Variants in IL12RB1 observed in about 807,000 individuals in gnomAD.
IL12RB1 encodes interleukin-12 receptor subunit beta-1.
In IL12RB1, 64 loss-of-function variants were observed where a neutral mutation model predicts 94.4. That is an observed-to-expected ratio of 0.68 (90% CI 0.55 to 0.83). IL12RB1 has a LOEUF of 0.83. Ranked by LOEUF, IL12RB1 falls within the 40% of genes least tolerant of loss-of-function variation. The probability of loss-of-function intolerance (pLI) is 0.00; values close to 1 mark genes in which losing one functional copy is unlikely to be tolerated. For synonymous variants in IL12RB1, 362 were observed against 355.5 expected, an observed-to-expected ratio of 1.02 and a Z score of -0.21; for missense variants, 814 against 855.6, an observed-to-expected ratio of 0.95 and a Z score of 0.61.
intron 9 of IL12RB1, chr19:18,070,968 G>A (rs540940616): frequency 2.3e-4 from 38 of 164,252 alleles, no homozygotes; most frequent in Non-Finnish European, 4.0e-4. Flanking sequence ...CGGCCACAGT[G>A]GCTCACACCT....
chr19:18,092,554 T>C (rs1309934842), intron 1 of IL12RB1, among the ~76,000 whole-genome samples: 4 of 151,322 alleles, frequency 2.6e-5, no homozygotes, highest in Non-Finnish European at 5.9e-5. Context: ...CCTGTAATCC[T>C]AGCTACTCAG....
In IL12RB1 at chr19:18,059,420, T is replaced by C; in HGVS notation, c.*188A>G. 1.5e-6 allele frequency: 1 copy of C among 658,682 alleles called. No individual in the cohort carries two copies. Among genetic ancestry groups the C allele is most frequent in the South Asian group, 1.7e-5 (1 of 57,344 alleles). The allele number at this position is 658,682 out of a possible 1,614,324, so 40.8% of individuals were successfully genotyped here. On this transcript the variant is annotated 3_prime_UTR_variant, in exon 17 of 17. Coordinates refer to ENST00000593993, the MANE Select transcript of IL12RB1 (RefSeq NM_005535.3). ...CCCACGGATGCCAGGCCCAGCAGGG[T>C]GCAGCAGCTTCCATTTCATGGCAGC...
chr19:18,063,102 TTTTTTTTTTTTG>T (rs2034298484), intron 13 of IL12RB1, among the ~76,000 whole-genome samples: 1 of 115,812 alleles, frequency 8.6e-6, no homozygotes, highest in African/African-American at 3.5e-5. Context: ...TTTTTTTTTT[TTTTTTTTTTTTG>T]AGACAGGGTC....
rs1386243967 is a variant in IL12RB1, at chr19:18,072,307, G to A, written c.826C>T (p.Pro276Ser). The A allele has an allele frequency of 6.2e-7, 1 of 1,613,962 alleles. No homozygotes were observed. Among genetic ancestry groups the A allele is most frequent in the Non-Finnish European group, 8.5e-7 (1 of 1,180,008 alleles). Residue 276 changes from proline to serine, a missense_variant, in exon 9 of 17, where the codon CCT (proline) becomes TCT (serine). Physicochemically the swap from Pro to Ser is moderately conservative, Grantham distance 74. Coordinates refer to ENST00000593993, the MANE Select transcript of IL12RB1 (RefSeq NM_005535.3). The part of the protein sequence containing the change: ...ELPEGCQGLA[P>S]GTEVTYRLQL... ...AGTCGGTAAGTGACCTCCGTGCCAG[G>A]CGCCAGCCCTTGACAGCCTTCTGGA...
intron 1 of IL12RB1, 127 bp downstream of exon 1, chr19:18,086,633 T>G (rs1300074128): frequency 2.4e-6 from 2 of 850,362 alleles, no homozygotes; most frequent in African/African-American, 3.4e-5. Context: ...CATCTCCCAT[T>G]TGACAGCAGG....
In IL12RB1 at chr19:18,075,962, T is replaced by C. The variant is rs535689922; in HGVS notation, c.581-94A>G. ...TCATGTGCTTATTGAGCTCCAACTG[T>C]GTACAGAGCCACGTGCTGGGTCCTG... On this transcript the variant is annotated intron_variant, in intron 6 of 16. Coordinates refer to ENST00000593993, the MANE Select transcript of IL12RB1 (RefSeq NM_005535.3). 32 of 1,257,698 alleles carry C rather than the reference T, an allele frequency of 2.5e-5. No homozygotes were observed. In the East Asian group the frequency reaches 4.6e-4, roughly 18 times the overall value. The allele number at this position is 1,257,698 out of a possible 1,614,324, so 77.9% of individuals were successfully genotyped here. A position where few individuals can be genotyped will look rare whatever the true frequency, so the allele number is the denominator to read the frequency against.
At chr19:18,094,721 TG>T (rs1485707244) in intron 1 of IL12RB1, among the ~76,000 whole-genome samples, 1 of 152,120 alleles carries the variant, frequency 6.6e-6, no homozygotes, top group East Asian at 1.9e-4. Context: ...AAAAATTAGC[TG>T]GGCATGGCGG....
At position 18,069,536 on chromosome 19, in the gene IL12RB1, A is replaced by C; in HGVS notation, c.1189+10T>G. Reference sequence around the variant, plus strand: ...AGGAGGGGTAGGCGCAGGCCATTCCAGGCCATTACCCATTCCAGCCGGATC... The same window carrying C: ...AGGAGGGGTAGGCGCAGGCCATTCCCGGCCATTACCCATTCCAGCCGGATC... On this transcript the variant is annotated intron_variant, in intron 10 of 16. Transcript: ENST00000593993. The C allele has an allele frequency of 6.2e-7, 1 of 1,601,800 alleles. No homozygotes were observed.
intron 12 of IL12RB1, 120 bp from the exon 13 acceptor site, chr19:18,064,130 C>CT (rs1024849009): frequency 1.3e-5 from 6 of 461,864 alleles, no homozygotes; most frequent in African/African-American, 4.3e-5. Flanking sequence ...AATCTCTACT[C>CT]TTTCTTTCTT....
At position 18,077,654 on chromosome 19, in the gene IL12RB1, A is replaced by T; in HGVS notation, c.411T>A (p.Val137=). ...PEVTLQLYNS[V]KYEPPLGDIK... ...TGTCTCCCAGAGGAGGCTCATATTT[A>T]ACTGGAAGCAGAGGTAGGGATTGGC... Residue 137 remains valine, a splice_region_variant and synonymous_variant, in exon 5 of 17, where the codon GTT becomes GTA. Transcript: ENST00000593993. The T allele has an allele frequency of 6.3e-7, 1 of 1,587,594 alleles. No homozygotes were observed. The highest frequency in any genetic ancestry group is 8.7e-7 in the Non-Finnish European group (1 of 1,155,880).
intron 1 of IL12RB1, 136 bp downstream of exon 1, chr19:18,086,624 A>G (rs2146501907): frequency 1.3e-6 from 1 of 763,280 alleles, no homozygotes; most frequent in Non-Finnish European, 2.1e-6. Flanking sequence ...ATGACTGCCC[A>G]TCTCCCATTT....
chr19:18,071,955 G>A (rs548920246), intron 9 of IL12RB1, among the ~76,000 whole-genome samples, 157 bp downstream of exon 9: 9 of 152,212 alleles, frequency 5.9e-5, no homozygotes, highest in African/African-American at 2.2e-4. Flanking sequence ...GTGAGCCACC[G>A]TGCCTGGCTG....
chr19:18,086,785 G>A lies in IL12RB1; in HGVS notation c.39C>T (p.Phe13=), dbSNP rs2036373525. 1 of 1,612,058 alleles carries A rather than the reference G, an allele frequency of 6.2e-7. No individual in the cohort carries two copies. Among genetic ancestry groups the A allele is most frequent in the Non-Finnish European group, 8.5e-7 (1 of 1,179,484 alleles). The change falls in exon 1 of 17, where the codon TTC becomes TTT. Residue 13 remains phenylalanine, a synonymous_variant. Transcript: ENST00000593993. The part of the protein sequence containing the change: ...PLVTWVVPLL[F]LFLLSRQGAA... Reference sequence around the variant, plus strand: ...CGCCCTGCCTGGACAGCAGGAAGAGGAAGAGGAGGGGGACCACCCAGGTCA... The same window carrying A: ...CGCCCTGCCTGGACAGCAGGAAGAGAAAGAGGAGGGGGACCACCCAGGTCA...
chr19:18,080,874 T>A lies in IL12RB1; in HGVS notation c.367A>T (p.Thr123Ser). 6.2e-7 allele frequency: 1 copy of A among 1,612,164 alleles called. No individual in the cohort carries two copies. The highest frequency in any genetic ancestry group is 1.3e-5 in the African/African-American group (1 of 75,008). ...LWVESWARNQ[T>S]EKSPEVTLQL... ...AGGGTCACCTCAGGAGACTTCTCTG[T>A]CTGGTTCCTGGCCCAGGATTCCACC... is the stretch of plus-strand genomic sequence containing the variant. Residue 123 changes from threonine (T) to serine (S), a missense_variant, in exon 4 of 17, where the codon ACA (threonine) becomes TCA (serine). Transcript: ENST00000593993.
intron 4 of IL12RB1, among the ~76,000 whole-genome samples, chr19:18,078,298 T>C (rs1415301981): frequency 6.6e-6 from 1 of 151,932 alleles, no homozygotes; most frequent in Non-Finnish European, 1.5e-5. Flanking sequence ...TCCCAGCTAC[T>C]TGGGAGCCTG....
intron 9 of IL12RB1, among the ~76,000 whole-genome samples, chr19:18,069,945 TTGCTC>T (rs984882063): frequency 6.6e-6 from 1 of 152,076 alleles, no homozygotes; most frequent in Non-Finnish European, 1.5e-5. Flanking sequence ...AGACGGATTC[TTGCTC>T]TGTCGCCCAG....
chr19:18,069,828 G>T, intron 9 of IL12RB1, 115 bp from the exon 10 acceptor site: 1 of 779,730 alleles, frequency 1.3e-6, no homozygotes, highest in South Asian at 1.5e-5. Flanking sequence ...GACCCTACAG[G>T]GCCAGGGGTG....
chr19:18,092,457 TC>T (rs2036673143), intron 1 of IL12RB1, among the ~76,000 whole-genome samples: 1 of 151,238 alleles, frequency 6.6e-6, no homozygotes, highest in African/African-American at 2.4e-5. Context: ...GCCATTGCAC[TC>T]CAGCCTGGGC....
upstream of IL12RB1, chr19:18,091,569 AT>A (rs778255841): frequency 5.3e-5 from 8 of 152,236 alleles, no homozygotes; most frequent in Non-Finnish European, 1.2e-4. Flanking sequence ...TGAAGGATGC[AT>A]AGGAGTTAGC....
Sources: allele counts gnomAD v4.1 joint callset (sites outside exome capture counted in the v4.1 genomes callset), GRCh38; gene constraint gnomAD v4.1.1; transcripts MANE v1.5; gene names NCBI Gene and HGNC (gene_info 2026-07-23, HGNC 2026-07-21).